The following RANBP2 variants were observed in gnomAD, a reference collection of about 807,000 sequenced individuals.
The protein encoded by RANBP2 is E3 SUMO-protein ligase RanBP2.
A neutral mutation model predicts 303.6 loss-of-function variants in RANBP2; 57 were observed. The observed-to-expected ratio is 0.19, with a 90% CI of 0.15 to 0.23. The LOEUF (loss-of-function observed/expected upper bound fraction) is 0.23, where lower values mean the gene tolerates loss of function less well. Among genes scored for constraint, RANBP2 ranks in the 10% least tolerant of loss-of-function variants. RANBP2 has a pLI of 1.00. For synonymous variants in RANBP2, 1,167 were observed against 1,301.5 expected (o/e 0.90, Z 2.23); for missense variants, 3,138 against 3,780.8 (o/e 0.83, Z 4.46).
At chr2:109,535,270 C>A in the RANBP2 span, among the ~76,000 whole-genome samples, 4 of 152,176 alleles carry the variant, frequency 2.6e-5, no homozygotes, top group Non-Finnish European at 5.9e-5. Context: ...TGAAGTATAA[C>A]GTGGCAGAAA....
At chr2:109,091,049 G>T in the RANBP2 span, among the ~76,000 whole-genome samples, 1 of 151,978 alleles carries the variant, frequency 6.6e-6, no homozygotes, top group African/African-American at 2.4e-5. Flanking sequence ...AATATTGTGA[G>T]ACCCTGATCT....
chr2:109,529,374 G>A, the RANBP2 span, among the ~76,000 whole-genome samples: 6 of 152,204 alleles, frequency 3.9e-5, no homozygotes, highest in South Asian at 2.1e-4. Flanking sequence ...CTGAAAGGGC[G>A]ATGGAAGCTG....
At chr2:109,147,099 T>C in the RANBP2 span, among the ~76,000 whole-genome samples, 43 of 152,100 alleles carry the variant, frequency 2.8e-4, no homozygotes, top group Admixed American at 1.3e-3. Context: ...CGTTTTCCCC[T>C]CTTGGTGACC....
At chr2:109,138,793 G>A in the RANBP2 span, among the ~76,000 whole-genome samples, 3 of 152,230 alleles carry the variant, frequency 2.0e-5, no homozygotes, top group Non-Finnish European at 4.4e-5. Flanking sequence ...CCCAGAACGA[G>A]TGATGTTAAT....
At chr2:109,517,634 C>T in the RANBP2 span, among the ~76,000 whole-genome samples, 1 of 152,248 alleles carries the variant, frequency 6.6e-6, no homozygotes, top group African/African-American at 2.4e-5. Context: ...AGCTCCACGC[C>T]TGCAGACCCC....
At chr2:109,337,576 C>G in the RANBP2 span, among the ~76,000 whole-genome samples, 1 of 152,246 alleles carries the variant, frequency 6.6e-6, no homozygotes, top group East Asian at 1.9e-4. Flanking sequence ...TGGAGCTTCC[C>G]CGAGCCTTTA....
the RANBP2 span, chr2:108,923,300 CA>C: frequency 6.8e-7 from 1 of 1,480,078 alleles, no homozygotes. Flanking sequence ...CTCTTTCCTA[CA>C]CCCTCTGTAG....
the RANBP2 span, among the ~76,000 whole-genome samples, chr2:109,164,782 G>A: frequency 1.1e-3 from 167 of 152,248 alleles, 3 homozygotes; most frequent in East Asian, 0.028. Flanking sequence ...CTGGCAAGCT[G>A]GCAAAAACTG....
chr2:108,772,679 G>A (rs1677592336), intron 22 of RANBP2, 98 bp downstream of exon 22: 3 of 1,303,634 alleles, frequency 2.3e-6, no homozygotes, highest in African/African-American at 1.5e-5. Flanking sequence ...TCGATTTTAC[G>A]ATGCCCATGG....
the RANBP2 span, among the ~76,000 whole-genome samples, chr2:109,090,283 A>C: frequency 6.6e-6 from 1 of 150,468 alleles, no homozygotes; most frequent in Admixed American, 6.7e-5. Flanking sequence ...CTAAAATCAG[A>C]ATTGTGGGGT....
the RANBP2 span, among the ~76,000 whole-genome samples, chr2:109,399,552 G>A: frequency 6.6e-6 from 1 of 152,046 alleles, no homozygotes. Context: ...GAGGCGGGAG[G>A]ATTGCTTGAG....
the RANBP2 span, among the ~76,000 whole-genome samples, chr2:109,073,432 G>C: frequency 5.9e-5 from 9 of 152,130 alleles, no homozygotes; most frequent in Non-Finnish European, 8.8e-5. Context: ...ACTTTGGGAG[G>C]CTGAGGTGGG....
the RANBP2 span, chr2:109,491,053 A>C: frequency 1.0e-6 from 1 of 965,632 alleles, no homozygotes; most frequent in Non-Finnish European, 1.4e-6. Flanking sequence ...TACCAGATGT[A>C]CCTCAACACC....
chr2:108,836,313 C>G, the RANBP2 span, among the ~76,000 whole-genome samples: 2 of 152,146 alleles, frequency 1.3e-5, no homozygotes, highest in Non-Finnish European at 2.9e-5. Context: ...TAAGGTTCGT[C>G]CATGTTGTAG....
chr2:108,742,754 T>C (rs1257783351), intron 7 of RANBP2, among the ~76,000 whole-genome samples: 1 of 152,182 alleles, frequency 6.6e-6, no homozygotes, highest in Non-Finnish European at 1.5e-5. Context: ...ATTAAAAGGT[T>C]CTTATAGAAA....
downstream of RANBP2, chr2:108,787,855 C>G: frequency 5.3e-6 from 1 of 187,308 alleles, no homozygotes; most frequent in Non-Finnish European, 1.0e-5. Flanking sequence ...TGGGGAGGAA[C>G]ATGACGTTGG....
chr2:109,604,967 A>C, the RANBP2 span: 3 of 152,236 alleles, frequency 2.0e-5, no homozygotes, highest in African/African-American at 7.2e-5. Context: ...GAGAGGAATC[A>C]GCACAGGTTT....
At chr2:108,877,553 G>A in the RANBP2 span, among the ~76,000 whole-genome samples, 1 of 151,866 alleles carries the variant, frequency 6.6e-6, no homozygotes, top group Non-Finnish European at 1.5e-5. Flanking sequence ...AATAGGATTA[G>A]CATGACAAGA....
chr2:109,666,679 G>A, the RANBP2 span, among the ~76,000 whole-genome samples: 1 of 152,192 alleles, frequency 6.6e-6, no homozygotes, highest in Non-Finnish European at 1.5e-5. Context: ...ATGAAGACAT[G>A]TTGGCTGCTA....
Sources: gnomAD v4.1 joint callset for allele counts (sites outside exome capture counted in the v4.1 genomes callset) on GRCh38, gnomAD v4.1.1 for gene constraint, MANE v1.5 for transcripts, NCBI Gene and HGNC (gene_info 2026-07-23, HGNC 2026-07-21) for gene names.